The following CTTN variants were observed in gnomAD, a reference collection of about 807,000 sequenced individuals.
CTTN encodes src substrate cortactin.
In CTTN, 28 loss-of-function variants were observed where a neutral mutation model predicts 84.0. The observed-to-expected ratio is 0.33, with a 90% CI of 0.25 to 0.46. The LOEUF (loss-of-function observed/expected upper bound fraction) is 0.46, where lower values mean the gene tolerates loss of function less well. CTTN is among the 20% of genes least tolerant of loss of function. The pLI, the probability that CTTN is intolerant of heterozygous loss-of-function variation, is 1.00. For missense variants in CTTN, 641 were observed against 723.8 expected, an observed-to-expected ratio of 0.89 and a Z score of 1.31; for synonymous variants, 301 against 288.8, an observed-to-expected ratio of 1.04 and a Z score of -0.43.
intron 1 of CTTN, among the ~76,000 whole-genome samples, chr11:70,404,840 T>G (rs1417032568): frequency 6.6e-6 from 1 of 152,096 alleles, no homozygotes; most frequent in Non-Finnish European, 1.5e-5. Flanking sequence ...CCGTCTGTAC[T>G]AAAAATAGAA....
Position 70,407,373 on chromosome 11 carries a change from C to T in CTTN, c.76C>T (p.Pro26Ser). 6.9e-6 allele frequency: 11 copies of T among 1,596,438 alleles called. No homozygotes were observed. Among genetic ancestry groups the T allele is most frequent in the Non-Finnish European group, 9.4e-6 (11 of 1,171,152 alleles). Reference sequence around the variant, plus strand: ...GGGGGCCGATGACTGGGAGACCGACCCTGATTTTGTGGTAGGAGCCGCCAG... The same window carrying T: ...GGGGGCCGATGACTGGGAGACCGACTCTGATTTTGTGGTAGGAGCCGCCAG... Reference protein sequence around the residue: ...DAGADDWETDPDFVNDVSEKE... With the variant: ...DAGADDWETDSDFVNDVSEKE... The change falls in exon 3 of 18, where the codon CCT (proline) becomes TCT (serine). Residue 26 changes from proline to serine, a missense_variant. By Grantham distance (74) the Pro-to-Ser change is moderately conservative (BLOSUM62 -1). This residue lies in a region of CTTN where 284 missense variants were observed against 348.4 expected (regional missense o/e 0.82). Transcript: ENST00000301843.
intron 9 of CTTN, 98 bp from the exon 10 acceptor site, chr11:70,420,302 G>A: frequency 1.3e-6 from 1 of 798,342 alleles, no homozygotes; most frequent in Non-Finnish European, 2.2e-6. Context: ...AGTAGATTGA[G>A]TGAATCATAT....
chr11:70,411,324 C>T (rs1219373276), intron 5 of CTTN, among the ~76,000 whole-genome samples: 1 of 109,220 alleles, frequency 9.2e-6, no homozygotes, highest in Non-Finnish European at 1.9e-5. Flanking sequence ...TTCAGTGCAG[C>T]GAGCGAAGCG....
rs1421696090 is a variant in CTTN, at chr11:70,435,620, C to T, written c.*458C>T. The stretch of plus-strand genomic sequence containing the variant: ...ACGAGGGGCTTCCTCTAGAGTCTCA[C>T]TGCTGGGGAGGAGAGGACTGGGCCT... On this transcript the variant is annotated 3_prime_UTR_variant, in exon 18 of 18. Coordinates refer to ENST00000301843, the MANE Select transcript of CTTN (RefSeq NM_005231.4). 6 of 1,591,396 alleles carry T rather than the reference C, an allele frequency of 3.8e-6. No homozygotes were observed. Among genetic ancestry groups the T allele is most frequent in the African/African-American group, 2.7e-5 (2 of 74,930 alleles).
intron 13 of CTTN, among the ~76,000 whole-genome samples, chr11:70,428,044 G>A (rs2058317530): frequency 6.6e-6 from 1 of 151,444 alleles, no homozygotes; most frequent in African/African-American, 2.4e-5. Flanking sequence ...GCTATTCCAT[G>A]AGAAAACAGT....
chr11:70,422,332 C>T (rs2058246702), intron 11 of CTTN: 1 of 393,458 alleles, frequency 2.5e-6, no homozygotes, highest in South Asian at 1.9e-5. Flanking sequence ...CAGCAGTGTT[C>T]AGGTGTGGGC....
At chr11:70,414,735 T>A in intron 6 of CTTN, 83 bp downstream of exon 6, 1 of 982,248 alleles carries the variant, frequency 1.0e-6, no homozygotes, top group Non-Finnish European at 1.6e-6. Context: ...GGGCCACTTG[T>A]AGTAGCAGGC....
At chr11:70,428,820 C>T (rs1010487473) in intron 13 of CTTN, among the ~76,000 whole-genome samples, 1 of 152,230 alleles carries the variant, frequency 6.6e-6, no homozygotes, top group African/African-American at 2.4e-5. Flanking sequence ...CTTCCTGATG[C>T]CAGGCTTAGG....
intron 12 of CTTN, among the ~76,000 whole-genome samples, chr11:70,424,991 TC>T (rs2058284914): frequency 6.6e-6 from 1 of 152,060 alleles, no homozygotes; most frequent in African/African-American, 2.4e-5. Flanking sequence ...CTTGCATGTG[TC>T]CCCAGCGTCT....
chr11:70,403,611 T>G (rs1192405536), intron 1 of CTTN, among the ~76,000 whole-genome samples: 5 of 152,188 alleles, frequency 3.3e-5, no homozygotes. Context: ...CTCTAGTGTT[T>G]TGGTGTCATA....
At position 70,430,789 on chromosome 11, in the gene CTTN, A is replaced by G. The variant is rs146121260; in HGVS notation, c.1177-402A>G. ...CTCAGACTCCCAAATCTGTGCCTAA[A>G]CTATCTAATCGTGTGTGGGCGAGAA... On this transcript the variant is annotated intron_variant, in intron 14 of 17. Coordinates refer to ENST00000301843, the MANE Select transcript of CTTN (RefSeq NM_005231.4). 7.9e-3 allele frequency among the ~76,000 whole-genome samples: 1,209 copies of G among 152,270 alleles called. 15 individuals are homozygous for G. The highest frequency in any genetic ancestry group is 0.027 in the Middle Eastern group (8 of 294).
At chr11:70,423,584 T>G (rs1326710566) in intron 12 of CTTN, among the ~76,000 whole-genome samples, 1 of 152,140 alleles carries the variant, frequency 6.6e-6, no homozygotes, top group Non-Finnish European at 1.5e-5. Flanking sequence ...CAGGGAGCAG[T>G]AGCCTGGGCT....
At chr11:70,428,923 C>A in intron 13 of CTTN, 128 bp from the exon 14 acceptor site, 1 of 1,185,014 alleles carries the variant, frequency 8.4e-7, no homozygotes, top group Non-Finnish European at 1.2e-6. Context: ...CTGCAAGAAC[C>A]TTTCCCTCCT....
Position 70,420,417 on chromosome 11 carries a change from G to A in CTTN, c.697G>A (p.Gly233Arg). The change falls in exon 10 of 18, where the codon GGA (glycine) becomes AGA (arginine). Residue 233 changes from glycine (G) to arginine (R), a missense_variant. Coordinates refer to ENST00000301843, the MANE Select transcript of CTTN (RefSeq NM_005231.4). ...GCATGTAGACTATGTGAAAGGGTTT[G>A]GAGGAAAATTTGGTGTGCAGACAGA... The part of the protein sequence containing the change: ...ESQKDYVKGF[G>R]GKFGVQTDRQ... The A allele has an allele frequency of 6.2e-7, 1 of 1,614,064 alleles. No homozygotes were observed.
In CTTN at chr11:70,420,196, T is replaced by C. The variant is rs1591442429; in HGVS notation, c.680-204T>C. Reference sequence around the variant, plus strand: ...GGGGTCCTGTCTGGCTTAGTCACGATGCTGAGGTCATAGACTAGGTTATTT... The same window carrying C: ...GGGGTCCTGTCTGGCTTAGTCACGACGCTGAGGTCATAGACTAGGTTATTT... On this transcript the variant is annotated intron_variant, in intron 9 of 17. Coordinates refer to ENST00000301843, the MANE Select transcript of CTTN (RefSeq NM_005231.4). 6 of 607,516 alleles carry C rather than the reference T, an allele frequency of 9.9e-6. No individual in the cohort carries two copies. In the East Asian group the frequency reaches 1.6e-4, roughly 17 times the overall value. The allele number at this position is 607,516 out of a possible 1,614,324, so 37.6% of individuals were successfully genotyped here.
rs1591453478 is a variant in CTTN, at chr11:70,433,502, T to G, written c.1445-145T>G. ...AGATCCCCATTGTGCTGGGGACGGG[T>G]GGGCAGGGGCAGAGGAAGGGAGGGT... On this transcript the variant is annotated intron_variant, in intron 16 of 17. Transcript: ENST00000301843. 6 of 790,866 alleles carry G rather than the reference T, an allele frequency of 7.6e-6. No individual in the cohort carries two copies. The South Asian group carries it at 9.3e-5, about 12-fold the overall frequency. 49.0% of individuals were successfully genotyped at this position (790,866 alleles called of 1,614,324 possible). A position where few individuals can be genotyped will look rare whatever the true frequency, so the allele number is the denominator to read the frequency against.
rs375676226 is a variant in CTTN at position 70,415,726 on chromosome 11, C to T, written c.457+9C>T. ...GCATGCCTCCCAGAAAGGTAAGACGCGAAAGGTGCAGAAAGAGCCCGCTCC... is the reference window on the plus strand; with the variant it reads ...GCATGCCTCCCAGAAAGGTAAGACGTGAAAGGTGCAGAAAGAGCCCGCTCC... On this transcript the variant is annotated intron_variant, in intron 7 of 17. Coordinates refer to ENST00000301843, the MANE Select transcript of CTTN (RefSeq NM_005231.4). 61 of 1,613,984 alleles carry T rather than the reference C, an allele frequency of 3.8e-5. No homozygotes were observed. The highest frequency in any genetic ancestry group is 2.3e-4 in the African/African-American group (17 of 75,034).
chr11:70,414,500 T>C (rs763284881), intron 5 of CTTN, 42 bp from the exon 6 acceptor site: 10 of 1,407,870 alleles, frequency 7.1e-6, no homozygotes, highest in South Asian at 1.2e-5. Context: ...AGCGCCGCAG[T>C]GTTGTTGGTG....
chr11:70,433,846 A>G, intron 17 of CTTN, 128 bp downstream of exon 17: 1 of 709,458 alleles, frequency 1.4e-6, no homozygotes, highest in East Asian at 2.7e-5. Context: ...ATAATTTCAG[A>G]GATATAGAAA....
Sources: gnomAD v4.1 joint callset for allele counts (sites outside exome capture counted in the v4.1 genomes callset) on GRCh38, gnomAD v4.1.1 for gene constraint, gnomAD v4.1.1 regional missense constraint, MANE v1.5 for transcripts, NCBI Gene and HGNC (gene_info 2026-07-23, HGNC 2026-07-21) for gene names.